Variants in ADCY9 observed in about 807,000 individuals in gnomAD.
ADCY9 encodes the protein adenylate cyclase 9.
ADCY9 carries 50 observed loss-of-function variants against 101.5 expected under a neutral mutation model. The ratio of observed to expected loss-of-function variants is 0.49; its 90% confidence interval spans 0.39 to 0.62. ADCY9 has a LOEUF of 0.62. ADCY9 is among the 20% of genes least tolerant of loss of function. The probability of loss-of-function intolerance (pLI) is 0.00; values close to 1 mark genes in which losing one functional copy is unlikely to be tolerated. For synonymous variants in ADCY9, 905 were observed against 769.3 expected (o/e 1.18, Z -2.92); for missense variants, 1,662 against 1,800.4 (o/e 0.92, Z 1.39).
chr16:3,980,867 G>C (rs989868053), intron 7 of ADCY9, among the ~76,000 whole-genome samples: 4 of 152,216 alleles, frequency 2.6e-5, no homozygotes, highest in African/African-American at 9.6e-5. Flanking sequence ...GCTGGTCCCT[G>C]AGACTGCAGG....
At chr16:4,046,473 T>C (rs773905483) in intron 2 of ADCY9, among the ~76,000 whole-genome samples, 3 of 152,172 alleles carry the variant, frequency 2.0e-5, no homozygotes, top group Admixed American at 6.5e-5. Flanking sequence ...TGATGACAAA[T>C]GCAGAACCAA....
At chr16:3,974,739 C>T (rs1288780200) in intron 9 of ADCY9, 29 bp from the exon 10 acceptor site, 2 of 1,592,538 alleles carry the variant, frequency 1.3e-6, no homozygotes, top group Non-Finnish European at 1.7e-6. Context: ...AAAATATTAT[C>T]ATAAAGAGCA....
At chr16:3,984,484 C>T (rs961414889) in intron 6 of ADCY9, among the ~76,000 whole-genome samples, 1 of 152,240 alleles carries the variant, frequency 6.6e-6, no homozygotes, top group African/African-American at 2.4e-5. Context: ...TGGGGAGGTG[C>T]GATCTCCATT....
rs776888112 is a variant in ADCY9 at position 3,965,302 on chromosome 16, C to T, written c.*473G>A. 7.4e-5 allele frequency: 13 copies of T among 174,986 alleles called. No individual in the cohort carries two copies. Among genetic ancestry groups the T allele is most frequent in the Non-Finnish European group, 1.2e-4 (10 of 81,758 alleles). The allele number at this position is 174,986 out of a possible 1,614,324, so 10.8% of individuals were successfully genotyped here. A position where few individuals can be genotyped will look rare whatever the true frequency, so the allele number is the denominator to read the frequency against. On this transcript the variant is annotated 3_prime_UTR_variant, in exon 11 of 11. Coordinates refer to ENST00000294016, the MANE Select transcript of ADCY9 (RefSeq NM_001116.4). ...CGCATGTGTGCTTACATAGAGAGGTCGGGTCGTAGAGGAACACTGTGACAT... is the reference window on the plus strand; with the variant it reads ...CGCATGTGTGCTTACATAGAGAGGTTGGGTCGTAGAGGAACACTGTGACAT...
chr16:3,953,521 A>C (rs1193795300), intron 5 of ADCY9: 1 of 152,178 alleles, frequency 6.6e-6, no homozygotes, highest in Non-Finnish European at 1.5e-5. Flanking sequence ...CGTCTTCTGG[A>C]AAAGAGAAGA....
At chr16:4,065,518 G>T (rs1274989482) in intron 2 of ADCY9, among the ~76,000 whole-genome samples, 1 of 152,186 alleles carries the variant, frequency 6.6e-6, no homozygotes, top group Non-Finnish European at 1.5e-5. Context: ...GGCAGAAGTC[G>T]AATGTCGCAC....
At chr16:4,113,171 T>TAA (rs376146699) in intron 2 of ADCY9, among the ~76,000 whole-genome samples, 22 of 145,590 alleles carry the variant, frequency 1.5e-4, no homozygotes, top group African/African-American at 5.5e-4. Context: ...CAAACTTTTT[T>TAA]TAAAAAAAAA....
intron 2 of ADCY9, among the ~76,000 whole-genome samples, chr16:4,057,006 A>C (rs2056742738): frequency 1.4e-5 from 2 of 139,808 alleles, no homozygotes; most frequent in African/African-American, 2.7e-5. Context: ...CCAACAACTC[A>C]GTTCTTTCAG....
Position 4,039,679 on chromosome 16 carries a change from C to CAA in ADCY9, c.1694-32123_1694-32122dup, listed in dbSNP as rs35158886. On this transcript the variant is annotated intron_variant, in intron 2 of 10. Coordinates refer to ENST00000294016, the MANE Select transcript of ADCY9 (RefSeq NM_001116.4). ...GGGCAACAAGAGTGAAACTCTGTCT[C>CAA]AAAAAAAAAAAAAAAAAAAAAAGCA... is the stretch of plus-strand genomic sequence containing the variant. Among the ~76,000 whole-genome samples, 114 of 64,258 alleles carry CAA rather than the reference C, an allele frequency of 1.8e-3. 1 individual carries two copies. The Middle Eastern group carries it at 0.024, about 14-fold the overall frequency. The allele number at this position is 64,258 out of a possible 152,430, so 42.2% of individuals were successfully genotyped here.
chr16:4,071,779 T>C (rs2056836116), intron 2 of ADCY9, among the ~76,000 whole-genome samples: 1 of 144,970 alleles, frequency 6.9e-6, no homozygotes, highest in Admixed American at 7.0e-5. Context: ...AATACGTTCT[T>C]TTTTCATTGT....
At chr16:4,007,143 G>A (rs73490519) in intron 3 of ADCY9, among the ~76,000 whole-genome samples, 8,356 of 152,174 alleles carry the variant, frequency 0.055, 404 homozygotes, top group African/African-American at 0.13. Context: ...AAGCATCCTT[G>A]TGCAATGGAA....
chr16:4,003,681 C>G (rs2056347539), intron 3 of ADCY9, among the ~76,000 whole-genome samples: 1 of 151,486 alleles, frequency 6.6e-6, no homozygotes. Context: ...CTTCCTGCCT[C>G]AGCTGTCTGA....
chr16:4,053,312 G>A (rs1488926185), intron 2 of ADCY9, among the ~76,000 whole-genome samples: 1 of 152,230 alleles, frequency 6.6e-6, no homozygotes, highest in Non-Finnish European at 1.5e-5. Context: ...ACAGTGAAGA[G>A]AGAAGATGCG....
intron 2 of ADCY9, among the ~76,000 whole-genome samples, chr16:4,015,893 G>A (rs147937189): frequency 2.0e-5 from 3 of 152,074 alleles, no homozygotes; most frequent in African/African-American, 7.2e-5. Context: ...TCTCGAACCC[G>A]GGAGGCAGAG....
chr16:4,098,824 G>T (rs916444086), intron 2 of ADCY9, among the ~76,000 whole-genome samples: 1 of 152,098 alleles, frequency 6.6e-6, no homozygotes, highest in Non-Finnish European at 1.5e-5. Context: ...AGAACATTCC[G>T]CAGCTGTCCT....
intron 2 of ADCY9, among the ~76,000 whole-genome samples, chr16:4,053,188 G>A (rs1483006041): frequency 2.6e-5 from 4 of 152,198 alleles, no homozygotes; most frequent in African/African-American, 9.7e-5. Flanking sequence ...ACATACACCA[G>A]CGCGGTTATC....
Position 3,968,156 on chromosome 16 carries a change from CTTTTT to C in ADCY9, c.2871-1195_2871-1191del, listed in dbSNP as rs549798529. 2.5e-3 allele frequency among the ~76,000 whole-genome samples: 379 copies of C among 151,320 alleles called. 2 individuals carry two copies. The highest frequency in any genetic ancestry group is 4.1e-3 in the Non-Finnish European group (278 of 67,760). ...TCTGATATATTTGGTTCTTAGATTTCTTTTTTTTTGAGACGGAGTTTTGCTCTTGT... is the reference window on the plus strand; with the variant it reads ...TCTGATATATTTGGTTCTTAGATTTCTTTTGAGACGGAGTTTTGCTCTTGT... On this transcript the variant is annotated intron_variant, in intron 10 of 10. Transcript: ENST00000294016.
chr16:4,085,449 T>A (rs2056931823), intron 2 of ADCY9, among the ~76,000 whole-genome samples: 3 of 152,028 alleles, frequency 2.0e-5, no homozygotes, highest in East Asian at 1.9e-4. Context: ...CCTCCGTAAA[T>A]GTGTGTTAAA....
intron 7 of ADCY9, among the ~76,000 whole-genome samples, chr16:3,981,044 C>T (rs2056138130): frequency 6.6e-6 from 1 of 152,216 alleles, no homozygotes; most frequent in Non-Finnish European, 1.5e-5. Context: ...GCGCAGGTTC[C>T]CGTCAACCTG....
Sources: gnomAD v4.1 joint callset for allele counts (sites outside exome capture counted in the v4.1 genomes callset) on GRCh38, gnomAD v4.1.1 for gene constraint, MANE v1.5 for transcripts, NCBI Gene and HGNC (gene_info 2026-07-23, HGNC 2026-07-21) for gene names.